Variants in SHISA9 observed in about 807,000 individuals in gnomAD.
SHISA9 encodes shisa family member 9.
A neutral mutation model predicts 38.0 loss-of-function variants in SHISA9; 13 were observed. The observed-to-expected ratio is 0.34, with a 90% CI of 0.22 to 0.54. SHISA9 has a LOEUF of 0.54. Among genes scored for constraint, SHISA9 ranks in the 20% least tolerant of loss-of-function variants. SHISA9 has a pLI of 0.91. For synonymous variants in SHISA9, 275 were observed against 242.0 expected (o/e 1.14, Z -1.27); for missense variants, 538 against 575.8 (o/e 0.93, Z 0.67).
At chr16:13,143,575 T>A (rs1471790304) in intron 2 of SHISA9, among the ~76,000 whole-genome samples, 3 of 152,180 alleles carry the variant, frequency 2.0e-5, no homozygotes, top group Non-Finnish European at 2.9e-5. Context: ...TGGTGATCCC[T>A]CTTGATGTGA....
At chr16:13,352,258 A>C in the SHISA9 span, among the ~76,000 whole-genome samples, 1 of 152,208 alleles carries the variant, frequency 6.6e-6, no homozygotes, top group Non-Finnish European at 1.5e-5. Context: ...TGACTTCATA[A>C]AATCTGGAGC....
chr16:13,290,116 A>G, the SHISA9 span, among the ~76,000 whole-genome samples: 3 of 152,194 alleles, frequency 2.0e-5, no homozygotes, highest in Non-Finnish European at 4.4e-5. Context: ...AATCTCTTTG[A>G]TAACAAATTC....
chr16:13,345,354 G>A, the SHISA9 span, among the ~76,000 whole-genome samples: 7 of 152,224 alleles, frequency 4.6e-5, no homozygotes, highest in East Asian at 1.2e-3. Context: ...AGAACATGTG[G>A]TATTTGGTTT....
chr16:13,213,381 G>A (rs1366712566), intron 4 of SHISA9, 81 bp downstream of exon 4: 2 of 1,333,148 alleles, frequency 1.5e-6, no homozygotes, highest in Non-Finnish European at 2.1e-6. Context: ...GAGAGTCCTG[G>A]TGTCTGTGTG....
the SHISA9 span, among the ~76,000 whole-genome samples, chr16:13,513,335 A>C: frequency 6.6e-6 from 1 of 152,222 alleles, no homozygotes; most frequent in Non-Finnish European, 1.5e-5. Flanking sequence ...AAGTCAAGAA[A>C]CAATAGATGC....
intron 2 of SHISA9, among the ~76,000 whole-genome samples, chr16:13,153,655 A>G (rs1182684589): frequency 6.6e-6 from 1 of 152,196 alleles, no homozygotes; most frequent in Non-Finnish European, 1.5e-5. Context: ...AGCTCCGGCA[A>G]GCAGAGAAAT....
At chr16:13,307,362 T>A in the SHISA9 span, among the ~76,000 whole-genome samples, 1 of 152,232 alleles carries the variant, frequency 6.6e-6, no homozygotes, top group Non-Finnish European at 1.5e-5. Flanking sequence ...TATTTCCTCC[T>A]GGCTTGTGGT....
the SHISA9 span, among the ~76,000 whole-genome samples, chr16:13,405,428 T>C: frequency 1.3e-5 from 2 of 152,114 alleles, no homozygotes; most frequent in Non-Finnish European, 2.9e-5. Flanking sequence ...CTGCAAGAGA[T>C]TTTCTGACAG....
intron 2 of SHISA9, among the ~76,000 whole-genome samples, chr16:13,171,277 C>T (rs1012652644): frequency 6.6e-6 from 1 of 152,172 alleles, no homozygotes; most frequent in African/African-American, 2.4e-5. Flanking sequence ...CCAGGCCCCA[C>T]CCCCAACACT....
chr16:13,232,434 T>A (rs1345228089), intron 4 of SHISA9, among the ~76,000 whole-genome samples: 1 of 152,050 alleles, frequency 6.6e-6, no homozygotes, highest in African/African-American at 2.4e-5. Context: ...ACTTAAAGTA[T>A]AATAAAAAAA....
intron 2 of SHISA9, among the ~76,000 whole-genome samples, chr16:12,951,715 G>C (rs558354483): frequency 2.0e-4 from 30 of 152,238 alleles, no homozygotes; most frequent in African/African-American, 7.0e-4. Flanking sequence ...TTCTCTCCTG[G>C]TTAGAGAAGA....
At chr16:13,412,616 G>T in the SHISA9 span, among the ~76,000 whole-genome samples, 2 of 152,080 alleles carry the variant, frequency 1.3e-5, no homozygotes, top group Admixed American at 6.5e-5. Context: ...CAGCACTTTG[G>T]GAGTCTGAGG....
At chr16:13,335,509 G>C in the SHISA9 span, among the ~76,000 whole-genome samples, 1 of 152,190 alleles carries the variant, frequency 6.6e-6, no homozygotes, top group Non-Finnish European at 1.5e-5. Context: ...AAAGGAATAT[G>C]CTGTCTTAGA....
chr16:12,939,491 A>G (rs551515854), intron 2 of SHISA9, among the ~76,000 whole-genome samples: 4 of 152,200 alleles, frequency 2.6e-5, no homozygotes, highest in African/African-American at 9.6e-5. Context: ...AGCCCTTTTC[A>G]TTGTACTTTG....
chr16:13,214,075 A>G (rs1251831768), intron 4 of SHISA9, among the ~76,000 whole-genome samples: 1 of 152,168 alleles, frequency 6.6e-6, no homozygotes, highest in Non-Finnish European at 1.5e-5. Flanking sequence ...ATTCTAAGCT[A>G]TTTTCCACTA....
At chr16:13,355,259 G>C in the SHISA9 span, among the ~76,000 whole-genome samples, 2 of 151,136 alleles carry the variant, frequency 1.3e-5, no homozygotes, top group Non-Finnish European at 3.0e-5. Flanking sequence ...TGCTGTAGCA[G>C]GCAAGTAATA....
At chr16:13,306,682 T>C in the SHISA9 span, among the ~76,000 whole-genome samples, 1 of 152,168 alleles carries the variant, frequency 6.6e-6, no homozygotes, top group Non-Finnish European at 1.5e-5. Flanking sequence ...AGGCTGCATC[T>C]TCCAGGGAGC....
intron 2 of SHISA9, among the ~76,000 whole-genome samples, chr16:13,107,108 G>A (rs2073933071): frequency 6.6e-6 from 1 of 152,070 alleles, no homozygotes. Flanking sequence ...CCCCGAGTGA[G>A]GGAATGAACA....
At chr16:13,192,974 AAGG>A (rs2050901453) in intron 2 of SHISA9, among the ~76,000 whole-genome samples, 1 of 152,104 alleles carries the variant, frequency 6.6e-6, no homozygotes, top group South Asian at 2.1e-4. Flanking sequence ...AAAGAAGAAG[AAGG>A]AGAAGAAGAA....
Sources: allele counts gnomAD v4.1 joint callset (sites outside exome capture counted in the v4.1 genomes callset), GRCh38; gene constraint gnomAD v4.1.1; transcripts MANE v1.5; gene names NCBI Gene and HGNC (gene_info 2026-07-23, HGNC 2026-07-21).